Variants in TAF15 observed in about 807,000 individuals in gnomAD.
TAF15 encodes TATA-box binding protein associated factor 15.
In TAF15, 37 loss-of-function variants were observed where a neutral mutation model predicts 102.5. The ratio of observed to expected loss-of-function variants is 0.36; its 90% CI spans 0.28 to 0.47. TAF15 has a LOEUF of 0.47. Ranked by LOEUF, TAF15 falls within the 20% of genes least tolerant of loss-of-function variation. TAF15 has a pLI of 0.99. For missense variants in TAF15, 652 were observed against 760.7 expected (o/e 0.86, Z 1.68); for synonymous variants, 273 against 259.2 (o/e 1.05, Z -0.51).
chr17:35,813,293 G>T (rs2087149037), intron 1 of TAF15, among the ~76,000 whole-genome samples: 1 of 151,980 alleles, frequency 6.6e-6, no homozygotes, highest in South Asian at 2.1e-4. Flanking sequence ...CACAGATGTG[G>T]AAGGTAGATG....
intron 11 of TAF15, 31 bp from the exon 12 acceptor site, chr17:35,842,336 A>G (rs1404242207): frequency 1.9e-6 from 3 of 1,560,836 alleles, no homozygotes; most frequent in Non-Finnish European, 2.6e-6. Context: ...ATAGAGTAGC[A>G]TTGCTTCAAA....
chr17:35,820,485 C>A, intron 5 of TAF15, 48 bp downstream of exon 5: 1 of 1,531,468 alleles, frequency 6.5e-7, no homozygotes, highest in Non-Finnish European at 9.0e-7. Flanking sequence ...GTGGAAATAA[C>A]ACTGATATTA....
At chr17:35,832,641 A>G (rs906259798) in intron 7 of TAF15, among the ~76,000 whole-genome samples, 4 of 152,170 alleles carry the variant, frequency 2.6e-5, no homozygotes, top group Non-Finnish European at 4.4e-5. Context: ...TTGGGTTATA[A>G]TAGAATAAGA....
intron 15 of TAF15, among the ~76,000 whole-genome samples, chr17:35,846,032 T>C (rs1234168991): frequency 6.6e-6 from 1 of 152,216 alleles, no homozygotes; most frequent in Non-Finnish European, 1.5e-5. Flanking sequence ...CTGATGGGAA[T>C]GTCTTGTGCA....
At chr17:35,818,288 G>C (rs1410327899) in intron 2 of TAF15, 1 of 154,444 alleles carries the variant, frequency 6.5e-6, no homozygotes, top group African/African-American at 2.4e-5. Context: ...GTAGAGATGG[G>C]GTTTCACCGT....
At chr17:35,814,051 G>A (rs2087161257) in intron 1 of TAF15, among the ~76,000 whole-genome samples, 1 of 151,820 alleles carries the variant, frequency 6.6e-6, no homozygotes, top group African/African-American at 2.4e-5. Context: ...GACAACAGGT[G>A]CACACTGCCT....
At chr17:35,826,262 G>A (rs374612976) in intron 7 of TAF15, among the ~76,000 whole-genome samples, 4 of 152,278 alleles carry the variant, frequency 2.6e-5, no homozygotes, top group Admixed American at 2.0e-4. Context: ...GGGAAAGGTC[G>A]GGTGAGGAAG....
intron 7 of TAF15, among the ~76,000 whole-genome samples, chr17:35,827,862 A>C (rs1460061611): frequency 6.6e-6 from 1 of 152,220 alleles, no homozygotes; most frequent in Admixed American, 6.5e-5. Context: ...AAAGAGAGAT[A>C]AATCTGTGAA....
intron 1 of TAF15, among the ~76,000 whole-genome samples, chr17:35,812,740 T>G (rs1189867882): frequency 6.6e-6 from 1 of 152,030 alleles, no homozygotes; most frequent in African/African-American, 2.4e-5. Context: ...TGAGAGTCAA[T>G]GACAAATAGG....
At chr17:35,809,696 TG>T (rs917815941) in intron 1 of TAF15, 120 bp downstream of exon 1, 33 of 1,420,336 alleles carry the variant, frequency 2.3e-5, no homozygotes, top group Admixed American at 3.8e-5. Flanking sequence ...AGGCTTGGGG[TG>T]GGGGGGCGGC....
In TAF15 at chr17:35,840,005, A is replaced by G. The variant is rs373788185; in HGVS notation, c.913+1452A>G. 3.3e-5 allele frequency among the ~76,000 whole-genome samples: 5 copies of G among 152,216 alleles called. No individual in the cohort carries two copies. The East Asian group carries it at 5.8e-4, about 18-fold the overall frequency. ...GCATTAACTCAATTTAATCTTCATA[A>G]TAATCTTATGAGACATATGCCCTGT... On this transcript the variant is annotated intron_variant, in intron 11 of 15. Transcript: ENST00000605844.
intron 11 of TAF15, among the ~76,000 whole-genome samples, chr17:35,839,450 C>G (rs1337922149): frequency 2.3e-5 from 3 of 127,914 alleles, no homozygotes; most frequent in Non-Finnish European, 3.1e-5. Flanking sequence ...GGCGCAATCT[C>G]GGCTCACTGC....
chr17:35,815,306 T>C (rs2087182313), intron 1 of TAF15, among the ~76,000 whole-genome samples: 1 of 152,248 alleles, frequency 6.6e-6, no homozygotes, highest in Non-Finnish European at 1.5e-5. Context: ...ATAATCACAA[T>C]GAACAGTTGT....
chr17:35,831,926 C>CA, intron 7 of TAF15, among the ~76,000 whole-genome samples: 1 of 152,024 alleles, frequency 6.6e-6, no homozygotes, highest in East Asian at 1.9e-4. Context: ...ACTAAAAATA[C>CA]AAAAAATTAG....
At chr17:35,846,434 T>C (rs1025588382) in intron 15 of TAF15, among the ~76,000 whole-genome samples, 1 of 152,246 alleles carries the variant, frequency 6.6e-6, no homozygotes, top group Admixed American at 6.5e-5. Context: ...GCCAATACTG[T>C]AAAGTGTTCT....
At position 35,829,325 on chromosome 17, in the gene TAF15, A is replaced by T. The variant is rs1041236898; in HGVS notation, c.606-4582A>T. Among the ~76,000 whole-genome samples the T allele has an allele frequency of 6.2e-5, 9 of 146,102 alleles. No individual in the cohort carries two copies. In the South Asian group the frequency reaches 6.5e-4, roughly 11 times the overall value. ...GTTAGGTTTTTATTTTATTTTTATT[A>T]TTTTTTTTTTTATTAAAAGATTTGG... On this transcript the variant is annotated intron_variant, in intron 7 of 15. Coordinates refer to ENST00000605844, the MANE Select transcript of TAF15 (RefSeq NM_139215.3).
At chr17:35,816,113 C>T (rs1458949830) in intron 1 of TAF15, among the ~76,000 whole-genome samples, 1 of 152,046 alleles carries the variant, frequency 6.6e-6, no homozygotes, top group Non-Finnish European at 1.5e-5. Flanking sequence ...AGGGATGAGC[C>T]ACTACACCTG....
chr17:35,840,976 T>A (rs2087536474), intron 11 of TAF15, among the ~76,000 whole-genome samples: 1 of 152,246 alleles, frequency 6.6e-6, no homozygotes, highest in Non-Finnish European at 1.5e-5. Flanking sequence ...AAGTCCATTC[T>A]TTCTTACTTT....
chr17:35,836,805 A>C (rs2087480480), intron 10 of TAF15, among the ~76,000 whole-genome samples: 1 of 151,694 alleles, frequency 6.6e-6, no homozygotes, highest in Non-Finnish European at 1.5e-5. Flanking sequence ...TTGAGACAGA[A>C]TCTCACTGTT....
Sources: allele counts gnomAD v4.1 joint callset (sites outside exome capture counted in the v4.1 genomes callset), GRCh38; gene constraint gnomAD v4.1.1; transcripts MANE v1.5; gene names NCBI Gene and HGNC (gene_info 2026-07-23, HGNC 2026-07-21).